The following CCDC7 variants were observed in gnomAD, a reference collection of about 807,000 sequenced individuals.
CCDC7 encodes the protein coiled-coil domain containing 7.
A neutral mutation model predicts 196.9 loss-of-function variants in CCDC7; 183 were observed. The observed-to-expected ratio is 0.93, with a 90% CI of 0.82 to 1.05. The LOEUF (loss-of-function observed/expected upper bound fraction) is 1.05. Ranked by LOEUF, CCDC7 falls within the 50% of genes least tolerant of loss-of-function variation. The pLI, the probability that CCDC7 is intolerant of heterozygous loss-of-function variation, is 0.00. For missense variants in CCDC7, 1,540 were observed against 1,482.2 expected, an observed-to-expected ratio of 1.04 and a Z score of -0.64; for synonymous variants, 525 against 484.6, an observed-to-expected ratio of 1.08 and a Z score of -1.10.
chr10:32,807,054 G>A (rs2085989023), intron 30 of CCDC7, among the ~76,000 whole-genome samples: 1 of 152,094 alleles, frequency 6.6e-6, no homozygotes, highest in African/African-American at 2.4e-5. Context: ...GTGAAATGAA[G>A]ATATTTCTAA....
intron 18 of CCDC7, among the ~76,000 whole-genome samples, chr10:32,601,290 C>G (rs1490149570): frequency 6.6e-6 from 1 of 152,164 alleles, no homozygotes; most frequent in African/African-American, 2.4e-5. Context: ...AGGCTGGTCT[C>G]AAACTCCTGA....
At chr10:32,851,713 C>G in intron 39 of CCDC7, 94 bp from the exon 41 acceptor site, 1 of 1,180,576 alleles carries the variant, frequency 8.5e-7, no homozygotes, top group Non-Finnish European at 1.2e-6. Flanking sequence ...TATTTAGATG[C>G]TTTGATGTTG....
At chr10:32,517,835 C>T in intron 9 of CCDC7, 110 bp from the exon 11 acceptor site, 1 of 1,169,708 alleles carries the variant, frequency 8.5e-7, no homozygotes, top group South Asian at 1.7e-5. Flanking sequence ...AATAAAACAG[C>T]AGCAACTAAT....
chr10:32,822,594 T>A (rs1173026737), intron 31 of CCDC7, among the ~76,000 whole-genome samples: 1 of 152,126 alleles, frequency 6.6e-6, no homozygotes, highest in African/African-American at 2.4e-5. Flanking sequence ...GTATAATATG[T>A]ATAACAGTAG....
At chr10:32,451,372 CTT>C (rs1210022309), upstream of CCDC7, among the ~76,000 whole-genome samples, 1 of 152,108 alleles carries the variant, frequency 6.6e-6, no homozygotes, top group African/African-American at 2.4e-5. Flanking sequence ...GTTTAAATAA[CTT>C]ATTGATATAA....
chr10:32,798,962 C>A (rs574473702), intron 29 of CCDC7, among the ~76,000 whole-genome samples: 2 of 152,278 alleles, frequency 1.3e-5, no homozygotes, highest in South Asian at 4.2e-4. Flanking sequence ...GGCAGGGTGG[C>A]AGGAGTGGGG....
intron 28 of CCDC7, among the ~76,000 whole-genome samples, chr10:32,769,240 G>T (rs1251653781): frequency 6.6e-6 from 1 of 151,976 alleles, no homozygotes; most frequent in Non-Finnish European, 1.5e-5. Flanking sequence ...GTGGAAGGTT[G>T]TATGTTTACA....
At chr10:32,856,561 C>A (rs984100220) in intron 41 of CCDC7, among the ~76,000 whole-genome samples, 1 of 152,106 alleles carries the variant, frequency 6.6e-6, no homozygotes, top group Non-Finnish European at 1.5e-5. Context: ...CTGCTGCACA[C>A]CCCCCAGGGC....
At chr10:32,623,860 C>T (rs955356170) in intron 18 of CCDC7, 17 of 451,478 alleles carry the variant, frequency 3.8e-5, no homozygotes, top group African/African-American at 1.8e-4. Context: ...GTGCTACACA[C>T]GTGAACAACC....
At chr10:32,741,463 T>G (rs540627526) in intron 28 of CCDC7, among the ~76,000 whole-genome samples, 154 of 152,292 alleles carry the variant, frequency 1.0e-3, no homozygotes, top group Admixed American at 1.9e-3. Context: ...CATACACATA[T>G]GCCAAAATCT....
At chr10:32,880,445 C>T (rs1200928879), downstream of CCDC7, among the ~76,000 whole-genome samples, 1 of 152,082 alleles carries the variant, frequency 6.6e-6, no homozygotes, top group East Asian at 1.9e-4. Context: ...TTATGTTAGA[C>T]CTTTGTCAGA....
Position 32,711,616 on chromosome 10 carries a change from A to G in CCDC7, c.2459-4A>G, listed in dbSNP as rs377516143. ...TAAGGGACTAAATTTCTCTCTTAACATAGCTCATGATGAAGAATCAGGTGA... is the reference window on the plus strand; with the variant it reads ...TAAGGGACTAAATTTCTCTCTTAACGTAGCTCATGATGAAGAATCAGGTGA... On this transcript the variant is annotated splice_polypyrimidine_tract_variant and splice_region_variant and intron_variant, in intron 24 of 41. Transcript: ENST00000639629. The G allele has an allele frequency of 6.1e-5, 95 of 1,557,880 alleles. No homozygotes were observed. The highest frequency in any genetic ancestry group is 7.6e-5 in the Non-Finnish European group (87 of 1,145,570).
intron 9 of CCDC7, among the ~76,000 whole-genome samples, chr10:32,501,490 G>A (rs2134959542): frequency 6.6e-6 from 1 of 152,176 alleles, no homozygotes. Context: ...CAGCCTTTTT[G>A]CGCTGGTTTC....
chr10:32,667,387 G>A lies in CCDC7; in HGVS notation c.2122+3226G>A, dbSNP rs1050672899. On this transcript the variant is annotated intron_variant, in intron 21 of 41. Coordinates refer to ENST00000639629, the Ensembl canonical transcript of CCDC7. Reference sequence around the variant, plus strand: ...TCTTCAGTTTAATTAGATCCCATTTGTCAATTTTGGCTTTTGTTGCCATTG... The same window carrying A: ...TCTTCAGTTTAATTAGATCCCATTTATCAATTTTGGCTTTTGTTGCCATTG... 6.9e-4 allele frequency among the ~76,000 whole-genome samples: 105 copies of A among 152,252 alleles called. 1 individual carries two copies. In the Middle Eastern group the frequency reaches 0.014, roughly 20 times the overall value.
intron 41 of CCDC7, among the ~76,000 whole-genome samples, chr10:32,867,972 TA>T (rs2094268009): frequency 1.3e-5 from 2 of 151,954 alleles, no homozygotes; most frequent in Admixed American, 6.6e-5. Context: ...TTTGTCTCTA[TA>T]AATTTAGCTA....
intron 18 of CCDC7, among the ~76,000 whole-genome samples, chr10:32,626,882 A>AT (rs2064117992): frequency 6.6e-6 from 1 of 151,724 alleles, no homozygotes; most frequent in African/African-American, 2.4e-5. Context: ...TCATATCTGC[A>AT]TTTTCTGGCG....
At chr10:32,585,319 C>T (rs1435803564) in intron 18 of CCDC7, among the ~76,000 whole-genome samples, 5 of 152,168 alleles carry the variant, frequency 3.3e-5, no homozygotes, top group African/African-American at 9.6e-5. Flanking sequence ...ATGATCCGCC[C>T]GCCTTGGCCT....
At chr10:32,744,506 G>A (rs1389173815) in intron 28 of CCDC7, among the ~76,000 whole-genome samples, 2 of 152,126 alleles carry the variant, frequency 1.3e-5, no homozygotes, top group African/African-American at 2.4e-5. Flanking sequence ...TTTGGAGTTA[G>A]GCCATTCTAA....
intron 29 of CCDC7, among the ~76,000 whole-genome samples, chr10:32,804,002 T>A (rs2085323921): frequency 1.3e-5 from 2 of 152,148 alleles, no homozygotes; most frequent in African/African-American, 4.8e-5. Flanking sequence ...TAATATAAAT[T>A]TCCCACTAAT....
Sources: allele counts gnomAD v4.1 joint callset (sites outside exome capture counted in the v4.1 genomes callset), GRCh38; gene constraint gnomAD v4.1.1; transcripts MANE v1.5; gene names NCBI Gene and HGNC (gene_info 2026-07-23, HGNC 2026-07-21).